The following RCOR1 variants were observed in gnomAD, a reference collection of about 807,000 sequenced individuals.
RCOR1 encodes the protein REST corepressor 1.
In RCOR1, 12 loss-of-function variants were observed where a neutral mutation model predicts 64.0. The observed-to-expected ratio is 0.19, with a 90% CI of 0.12 to 0.30. RCOR1 has a LOEUF of 0.30. Among genes scored for constraint, RCOR1 ranks in the 10% least tolerant of loss-of-function variants. The pLI, the probability that RCOR1 is intolerant of heterozygous loss-of-function variation, is 1.00. For synonymous variants in RCOR1, 279 were observed against 227.2 expected (o/e 1.23, Z -2.05); for missense variants, 502 against 621.2 (o/e 0.81, Z 2.04).
intron 3 of RCOR1, among the ~76,000 whole-genome samples, chr14:102,688,530 A>G (rs1013294914): frequency 6.6e-6 from 1 of 152,116 alleles, no homozygotes; most frequent in Non-Finnish European, 1.5e-5. Flanking sequence ...TGTTGATGCA[A>G]TTCCAAGTCA....
rs563997655 is a variant in RCOR1 at position 102,635,510 on chromosome 14, G to C, written c.361+42185G>C. Among the ~76,000 whole-genome samples, 4 of 152,064 alleles carry C rather than the reference G, an allele frequency of 2.6e-5. No homozygotes were observed. In the East Asian group the frequency reaches 7.7e-4, roughly 29 times the overall value. On this transcript the variant is annotated intron_variant, in intron 2 of 11. Coordinates refer to ENST00000262241, the MANE Select transcript of RCOR1 (RefSeq NM_015156.4). Reference sequence around the variant, plus strand: ...CAGAGTGAGACTTTGTCTCAAAAAAGAAATGGAAGCAATGTATATTTATTA... The same window carrying C: ...CAGAGTGAGACTTTGTCTCAAAAAACAAATGGAAGCAATGTATATTTATTA...
chr14:102,677,185 C>T (rs1316989875), intron 2 of RCOR1, among the ~76,000 whole-genome samples: 5 of 135,988 alleles, frequency 3.7e-5, no homozygotes, highest in East Asian at 2.3e-4. Context: ...CCCTCCCGGA[C>T]GGGGCGGCTG....
At chr14:102,646,592 G>A (rs970338742) in intron 2 of RCOR1, among the ~76,000 whole-genome samples, 14 of 152,182 alleles carry the variant, frequency 9.2e-5, no homozygotes, top group African/African-American at 3.4e-4. Flanking sequence ...GGCAAAGACA[G>A]ACAAAAAGAG....
intron 2 of RCOR1, among the ~76,000 whole-genome samples, chr14:102,597,755 T>A (rs1218768756): frequency 1.4e-5 from 2 of 144,834 alleles, no homozygotes; most frequent in African/African-American, 5.1e-5. Context: ...TGCCTCAGCC[T>A]CCTCAGTAGC....
chr14:102,627,137 T>G (rs2093570), intron 2 of RCOR1, among the ~76,000 whole-genome samples: 4 of 152,274 alleles, frequency 2.6e-5, no homozygotes, highest in Admixed American at 2.6e-4. Context: ...AGAAAACTAC[T>G]CACTCCCCTT....
intron 2 of RCOR1, chr14:102,643,377 A>C: frequency 5.7e-6 from 5 of 881,746 alleles, no homozygotes; most frequent in Non-Finnish European, 6.8e-6. Flanking sequence ...TGAGATTTGG[A>C]ATGTTGAGTA....
At chr14:102,674,527 A>G (rs1431474847) in intron 2 of RCOR1, among the ~76,000 whole-genome samples, 1 of 152,128 alleles carries the variant, frequency 6.6e-6, no homozygotes, top group African/African-American at 2.4e-5. Flanking sequence ...CTGACCAGCA[A>G]TTTGAAAAAC....
At chr14:102,605,491 G>A (rs532704670) in intron 2 of RCOR1, among the ~76,000 whole-genome samples, 1 of 152,170 alleles carries the variant, frequency 6.6e-6, no homozygotes, top group East Asian at 1.9e-4. Context: ...AATTTCTGTC[G>A]CCTAGTAACT....
In RCOR1 at chr14:102,721,053, A is replaced by G. The variant is rs1192097255; in HGVS notation, c.1100A>G (p.Asp367Gly). The part of the protein sequence containing the change: ...QTNSALKEKL[D>G]GGIEPYRLPE... ...AACAGTGCTCTCAAAGAAAAACTTG[A>G]TGGTGGAATAGAACCATATCGACTT... The change falls in exon 9 of 12, where the codon GAT becomes GGT. Residue 367 changes from aspartate (D) to glycine (G), a missense_variant. Transcript: ENST00000262241. The G allele has an allele frequency of 6.3e-7, 1 of 1,579,796 alleles. No homozygotes were observed. The highest frequency in any genetic ancestry group is 1.4e-5 in the African/African-American group (1 of 73,604).
chr14:102,636,192 C>T (rs1000831111), intron 2 of RCOR1, among the ~76,000 whole-genome samples: 15 of 152,100 alleles, frequency 9.9e-5, no homozygotes, highest in African/African-American at 3.4e-4. Flanking sequence ...CCCGCCTTGG[C>T]CTCCCAAAGT....
intron 2 of RCOR1, among the ~76,000 whole-genome samples, chr14:102,623,982 A>G (rs1333071574): frequency 2.7e-5 from 4 of 146,730 alleles, no homozygotes; most frequent in African/African-American, 1.0e-4. Context: ...TCATGAGGTG[A>G]GGAGATCGAG....
intron 2 of RCOR1, among the ~76,000 whole-genome samples, chr14:102,667,454 T>C (rs734569): frequency 0.15 from 22,709 of 151,900 alleles, 2,298 homozygotes; most frequent in African/African-American, 0.28. Context: ...TGAGCTGACA[T>C]GGTACCACTG....
At chr14:102,686,058 C>T (rs1895411532) in intron 3 of RCOR1, among the ~76,000 whole-genome samples, 2 of 152,126 alleles carry the variant, frequency 1.3e-5, no homozygotes, top group South Asian at 4.1e-4. Flanking sequence ...CAAATTATCA[C>T]ATGTACCCTG....
intron 2 of RCOR1, among the ~76,000 whole-genome samples, chr14:102,679,664 T>C (rs1006682785): frequency 6.6e-6 from 1 of 151,956 alleles, no homozygotes; most frequent in African/African-American, 2.4e-5. Context: ...ATTTTTAGTA[T>C]AGACGGGGTT....
At chr14:102,645,022 G>A (rs770789086) in intron 2 of RCOR1, among the ~76,000 whole-genome samples, 1 of 152,144 alleles carries the variant, frequency 6.6e-6, no homozygotes, top group Non-Finnish European at 1.5e-5. Flanking sequence ...ATTTTGTACT[G>A]TTTTTGTCTC....
chr14:102,595,873 C>T (rs887961482), intron 2 of RCOR1, among the ~76,000 whole-genome samples: 4 of 152,104 alleles, frequency 2.6e-5, no homozygotes, highest in Admixed American at 2.6e-4. Context: ...GCCACCGCGC[C>T]CGGCCCCAAA....
intron 2 of RCOR1, among the ~76,000 whole-genome samples, chr14:102,611,223 C>T (rs1183625052): frequency 6.6e-6 from 1 of 152,128 alleles, no homozygotes; most frequent in Non-Finnish European, 1.5e-5. Context: ...AGGTGCTCAC[C>T]ACCACGCCTG....
chr14:102,700,209 A>AT (rs1377799664), intron 3 of RCOR1, among the ~76,000 whole-genome samples: 1 of 150,936 alleles, frequency 6.6e-6, no homozygotes, highest in Non-Finnish European at 1.5e-5. Flanking sequence ...AGAACTAAAG[A>AT]TTTTGTCTTC....
intron 3 of RCOR1, among the ~76,000 whole-genome samples, chr14:102,691,795 C>T (rs756149436): frequency 6.6e-6 from 1 of 152,120 alleles, no homozygotes; most frequent in Non-Finnish European, 1.5e-5. Flanking sequence ...TACAGAAAAA[C>T]GTTTCATTGT....
Sources: allele counts gnomAD v4.1 joint callset (sites outside exome capture counted in the v4.1 genomes callset), GRCh38; gene constraint gnomAD v4.1.1; transcripts MANE v1.5; gene names NCBI Gene and HGNC (gene_info 2026-07-23, HGNC 2026-07-21).